The following CCDC171 variants were observed in gnomAD, a reference collection of about 807,000 sequenced individuals.
CCDC171 encodes coiled-coil domain containing 171.
Under a neutral mutation model 168.2 loss-of-function variants are expected in CCDC171, and 177 were observed. The ratio of observed to expected loss-of-function variants is 1.05; its 90% CI spans 0.93 to 1.19. CCDC171 has a LOEUF of 1.19. Among genes scored for constraint, CCDC171 ranks in the 50% most tolerant of loss-of-function variants. CCDC171 has a pLI of 0.00. For synonymous variants in CCDC171, 687 were observed against 540.8 expected, an observed-to-expected ratio of 1.27 and a Z score of -3.75; for missense variants, 1,991 against 1,539.0, an observed-to-expected ratio of 1.29 and a Z score of -4.91.
At chr9:15,933,767 A>T (rs1368071134) in intron 25 of CCDC171, among the ~76,000 whole-genome samples, 1 of 152,030 alleles carries the variant, frequency 6.6e-6, no homozygotes, top group Non-Finnish European at 1.5e-5. Flanking sequence ...TACAAAAATT[A>T]AGTCAAAATG....
At chr9:15,704,195 ATTTG>A (rs140949044) in intron 11 of CCDC171, among the ~76,000 whole-genome samples, 72,854 of 151,532 alleles carry the variant, frequency 0.48, 17,882 homozygotes, top group East Asian at 0.78. Flanking sequence ...ATTTGTGTGT[ATTTG>A]TTTGTAGCAC....
intron 11 of CCDC171, among the ~76,000 whole-genome samples, chr9:15,695,885 A>G (rs2051176582): frequency 1.3e-5 from 2 of 152,234 alleles, no homozygotes; most frequent in East Asian, 3.8e-4. Context: ...CATATGATAA[A>G]GAGCTATAAA....
intron 6 of CCDC171, among the ~76,000 whole-genome samples, chr9:15,615,327 TCTA>T (rs1214403735): frequency 1.3e-5 from 2 of 152,118 alleles, no homozygotes; most frequent in Non-Finnish European, 1.5e-5. Context: ...CCTAAACATC[TCTA>T]CTATTTTAGG....
Position 15,673,933 on chromosome 9 carries a change from C to G in CCDC171, c.1077-4825C>G, listed in dbSNP as rs1435583515. ...GTTTCAGAATGAATGGTACCAGCTCCTCTTTGTACCTCTGGTAGTATTTGG... is the reference window on the plus strand; with the variant it reads ...GTTTCAGAATGAATGGTACCAGCTCGTCTTTGTACCTCTGGTAGTATTTGG... On this transcript the variant is annotated intron_variant, in intron 9 of 25. Coordinates refer to ENST00000380701, the MANE Select transcript of CCDC171 (RefSeq NM_173550.4). Among the ~76,000 whole-genome samples the G allele has an allele frequency of 2.6e-5, 4 of 152,166 alleles. No individual in the cohort carries two copies. In the South Asian group the frequency reaches 8.3e-4, roughly 32 times the overall value.
At chr9:15,905,635 A>G (rs1169511615) in intron 24 of CCDC171, among the ~76,000 whole-genome samples, 2 of 152,182 alleles carry the variant, frequency 1.3e-5, no homozygotes, top group Non-Finnish European at 2.9e-5. Flanking sequence ...GAGCAAACAC[A>G]TTCAAAAGCT....
chr9:16,072,265 A>T, the CCDC171 span, among the ~76,000 whole-genome samples: 1 of 152,188 alleles, frequency 6.6e-6, no homozygotes. Context: ...AAGCACTAGC[A>T]TGTTGAGATC....
the CCDC171 span, among the ~76,000 whole-genome samples, chr9:16,077,991 AT>A: frequency 6.6e-6 from 1 of 152,074 alleles, no homozygotes; most frequent in Non-Finnish European, 1.5e-5. Context: ...ATAGTAAATA[AT>A]AATGTATTAT....
At chr9:15,642,076 A>G (rs1298399777) in intron 7 of CCDC171, among the ~76,000 whole-genome samples, 2 of 151,920 alleles carry the variant, frequency 1.3e-5, no homozygotes, top group Non-Finnish European at 2.9e-5. Flanking sequence ...AGGCAGGACA[A>G]TTGCTTGAAA....
At chr9:15,747,553 G>A (rs1324201113) in intron 18 of CCDC171, among the ~76,000 whole-genome samples, 1 of 152,158 alleles carries the variant, frequency 6.6e-6, no homozygotes, top group South Asian at 2.1e-4. Context: ...CCAGAGGAAG[G>A]ATCAGGCAGC....
At chr9:16,066,672 T>C in the CCDC171 span, among the ~76,000 whole-genome samples, 5 of 145,714 alleles carry the variant, frequency 3.4e-5, no homozygotes, top group South Asian at 1.1e-3. Context: ...CCATGTGATC[T>C]CATTGTTCAA....
chr9:16,026,555 A>T (rs564696579), intron 6 of CCDC171, among the ~76,000 whole-genome samples: 4 of 152,234 alleles, frequency 2.6e-5, no homozygotes, highest in Admixed American at 6.5e-5. Flanking sequence ...TTGATCCTCA[A>T]TACGGAACTT....
chr9:16,023,435 AAATGATTAACATCTCAAGAAAT>A (rs1833214381), intron 6 of CCDC171, among the ~76,000 whole-genome samples: 1 of 152,198 alleles, frequency 6.6e-6, no homozygotes, highest in Non-Finnish European at 1.5e-5. Context: ...TAGTAGAGCA[AAATGATTAACATCTCAAGAAAT>A]AATGAACATT....
At chr9:15,740,150 C>T (rs540671737) in intron 16 of CCDC171, among the ~76,000 whole-genome samples, 1 of 152,140 alleles carries the variant, frequency 6.6e-6, no homozygotes, top group Non-Finnish European at 1.5e-5. Flanking sequence ...CCTGTATTTT[C>T]TTCTAATATT....
chr9:15,936,577 C>T (rs1214921491), intron 25 of CCDC171, among the ~76,000 whole-genome samples: 1 of 151,898 alleles, frequency 6.6e-6, no homozygotes, highest in Non-Finnish European at 1.5e-5. Context: ...AACACTTGGG[C>T]CTGCTGCATT....
chr9:15,711,860 T>A (rs2134035516), intron 11 of CCDC171, among the ~76,000 whole-genome samples: 1 of 152,340 alleles, frequency 6.6e-6, no homozygotes, highest in Non-Finnish European at 1.5e-5. Context: ...TAACTGGTAT[T>A]TTTAACTTCC....
At chr9:15,760,689 A>G (rs911636658) in intron 18 of CCDC171, among the ~76,000 whole-genome samples, 2 of 152,126 alleles carry the variant, frequency 1.3e-5, no homozygotes, top group African/African-American at 4.8e-5. Context: ...TTACCTTTTC[A>G]TGAAACAGGA....
intron 23 of CCDC171, among the ~76,000 whole-genome samples, chr9:15,849,236 G>A (rs2061026878): frequency 6.6e-6 from 1 of 150,734 alleles, no homozygotes; most frequent in Non-Finnish European, 1.5e-5. Context: ...AGGTCATTAA[G>A]ATCCTTATAT....
At chr9:15,771,339 C>T (rs974948438) in intron 18 of CCDC171, among the ~76,000 whole-genome samples, 3 of 152,074 alleles carry the variant, frequency 2.0e-5, no homozygotes, top group Non-Finnish European at 4.4e-5. Flanking sequence ...CTCATAACAC[C>T]TTTGGCATGC....
chr9:15,716,635 A>G (rs2053107847), intron 11 of CCDC171, among the ~76,000 whole-genome samples: 1 of 152,124 alleles, frequency 6.6e-6, no homozygotes. Context: ...GAGGCTGGGA[A>G]ATCCAAGATT....
Sources: allele counts gnomAD v4.1 joint callset (sites outside exome capture counted in the v4.1 genomes callset), GRCh38; gene constraint gnomAD v4.1.1; transcripts MANE v1.5; gene names NCBI Gene and HGNC (gene_info 2026-07-23, HGNC 2026-07-21).